Variants in TACC2 observed in about 807,000 individuals in gnomAD.
TACC2 encodes the protein transforming acidic coiled-coil containing protein 2, also known as transforming acidic coiled-coil-containing protein 2.
A neutral mutation model predicts 227.3 loss-of-function variants in TACC2; 137 were observed. The observed-to-expected ratio is 0.60, with a 90% CI of 0.52 to 0.69. TACC2 has a LOEUF of 0.69. Among genes scored for constraint, TACC2 ranks in the 30% least tolerant of loss-of-function variants. The pLI, the probability that TACC2 is intolerant of heterozygous loss-of-function variation, is 0.00. For synonymous variants in TACC2, 1,523 were observed against 1,487.5 expected, an observed-to-expected ratio of 1.02 and a Z score of -0.55; for missense variants, 3,470 against 3,694.4, an observed-to-expected ratio of 0.94 and a Z score of 1.57.
intron 5 of TACC2, among the ~76,000 whole-genome samples, chr10:122,103,223 A>G (rs1450613744): frequency 6.6e-6 from 1 of 152,142 alleles, no homozygotes; most frequent in Admixed American, 6.5e-5. Flanking sequence ...TGTCTAGAGT[A>G]TATAAGAAAT....
At chr10:122,002,160 G>C (rs1954450218) in intron 1 of TACC2, among the ~76,000 whole-genome samples, 2 of 152,120 alleles carry the variant, frequency 1.3e-5, no homozygotes, top group Admixed American at 6.5e-5. Context: ...ATATGATAAA[G>C]GGACCATTTC....
intron 7 of TACC2, among the ~76,000 whole-genome samples, chr10:122,185,654 T>C (rs750541285): frequency 6.6e-6 from 1 of 152,212 alleles, no homozygotes; most frequent in Non-Finnish European, 1.5e-5. Context: ...AGCTTTTTAT[T>C]GAGTAATGTG....
chr10:122,110,225 T>C (rs1276193238), intron 5 of TACC2, among the ~76,000 whole-genome samples: 2 of 152,162 alleles, frequency 1.3e-5, no homozygotes, highest in East Asian at 3.9e-4. Flanking sequence ...CTAAGGCACG[T>C]GTTGCTGCCT....
intron 6 of TACC2, among the ~76,000 whole-genome samples, chr10:122,142,228 T>A (rs1316984124): frequency 6.6e-6 from 1 of 152,234 alleles, no homozygotes; most frequent in Non-Finnish European, 1.5e-5. Flanking sequence ...GCAGGCAGCA[T>A]GGGTTCCAGC....
rs376832058 is a variant in TACC2, at chr10:122,226,379, C to T, written c.7622C>T (p.Ala2541Val). The T allele has an allele frequency of 6.2e-7, 1 of 1,613,592 alleles. No homozygotes were observed. Among genetic ancestry groups the T allele is most frequent in the Non-Finnish European group, 8.5e-7 (1 of 1,179,744 alleles). Residue 2541 changes from alanine to valine, a missense_variant, in exon 13 of 23, where the codon GCC becomes GTC. Transcript: ENST00000369005. ...TGATCCCTGCAGCAGGACGACGATG[C>T]CCCGAAGAAGCAGGCCTTGTACCTT... is the stretch of plus-strand genomic sequence containing the variant. ...IGSSLPQDDDAPKKQALYLMF... is the reference protein window; with the variant it reads ...IGSSLPQDDDVPKKQALYLMF...
chr10:122,148,590 G>A (rs1312265756), intron 7 of TACC2, among the ~76,000 whole-genome samples: 2 of 152,244 alleles, frequency 1.3e-5, no homozygotes, highest in Non-Finnish European at 2.9e-5. Context: ...GGGGAGCAGC[G>A]AGGCAGTGAG....
chr10:122,174,584 AAC>A (rs1452774551), intron 7 of TACC2, among the ~76,000 whole-genome samples: 1 of 152,228 alleles, frequency 6.6e-6, no homozygotes, highest in Non-Finnish European at 1.5e-5. Context: ...ACGTTCGTGA[AAC>A]ACTATGCTCC....
intron 7 of TACC2, among the ~76,000 whole-genome samples, chr10:122,193,223 G>T (rs529519453): frequency 1.3e-5 from 2 of 152,332 alleles, no homozygotes; most frequent in African/African-American, 4.8e-5. Flanking sequence ...AGGCTTTGTG[G>T]CTGGTTGGAG....
intron 5 of TACC2, among the ~76,000 whole-genome samples, chr10:122,132,333 G>C (rs2088452846): frequency 3.3e-5 from 5 of 152,148 alleles, no homozygotes; most frequent in Admixed American, 3.3e-4. Flanking sequence ...ATCACCTGAA[G>C]TCAGGAGTTT....
intron 3 of TACC2, among the ~76,000 whole-genome samples, chr10:122,065,477 T>C (rs1243892366): frequency 6.6e-6 from 1 of 152,254 alleles, no homozygotes; most frequent in Non-Finnish European, 1.5e-5. Flanking sequence ...TTTAATTTCA[T>C]TGTAGCCAGA....
intron 9 of TACC2, 73 bp from the exon 10 acceptor site, chr10:122,215,318 G>C: frequency 7.2e-7 from 1 of 1,386,104 alleles, no homozygotes; most frequent in South Asian, 1.2e-5. Flanking sequence ...CAGTAGCTTC[G>C]GTCCGCTCTG....
At chr10:122,213,267 C>T in intron 9 of TACC2, 2 of 1,490,304 alleles carry the variant, frequency 1.3e-6, no homozygotes, top group Middle Eastern at 1.7e-4. Context: ...CCATTAATAA[C>T]CAGTTGTCTG....
intron 1 of TACC2, among the ~76,000 whole-genome samples, chr10:122,010,501 C>A (rs1322636967): frequency 1.3e-5 from 2 of 152,158 alleles, no homozygotes; most frequent in Admixed American, 1.3e-4. Flanking sequence ...TTCCATTTTG[C>A]AATTCCAGAA....
At chr10:122,048,435 TCCTCCCTC>T (rs142187179) in intron 2 of TACC2, among the ~76,000 whole-genome samples, 10 of 133,512 alleles carry the variant, frequency 7.5e-5, no homozygotes, top group Non-Finnish European at 1.3e-4. Flanking sequence ...CCTCCTTGCT[TCCTCCCTC>T]CCTCCCTCCC....
chr10:122,163,508 C>T (rs894292552), intron 7 of TACC2: 5 of 951,346 alleles, frequency 5.3e-6, no homozygotes, highest in African/African-American at 3.5e-5. Context: ...TTCCGGAGCC[C>T]GCGATGGAGC....
At chr10:122,076,115 T>TA (rs369195300) in intron 3 of TACC2, among the ~76,000 whole-genome samples, 18 of 152,160 alleles carry the variant, frequency 1.2e-4, no homozygotes, top group African/African-American at 4.1e-4. Context: ...TTCTTACGGT[T>TA]ATGGAGGCTG....
chr10:122,211,646 C>T lies in TACC2; in HGVS notation c.7221C>T (p.Ala2407=), dbSNP rs2095294991. ...AGATCCCAGCCAGTGCTATGGAAGC[C>T]AATGGAGTGGACGGGGATGGGCTAA... ...SFEIPASAME[A]NGVDGDGLNK... Residue 2407 remains alanine (A), a synonymous_variant, in exon 9 of 23, where the codon GCC becomes GCT. Coordinates refer to ENST00000369005, the MANE Select transcript of TACC2 (RefSeq NM_206862.4). 6.2e-7 allele frequency: 1 copy of T among 1,607,866 alleles called. No individual in the cohort carries two copies. The highest frequency in any genetic ancestry group is 1.7e-5 in the Admixed American group (1 of 58,784).
Position 122,132,675 on chromosome 10 carries a change from T to C in TACC2, c.5640T>C (p.Ala1880=), listed in dbSNP as rs2088572337. ...CAGACCTGGAAAGCCCAACCTTAGC[T>C]GCCTCTTCCTACCACGGTGATGTTG... ...APADLESPTL[A]ASSYHGDVVG... The change falls in exon 6 of 23, where the codon GCT becomes GCC. Residue 1880 remains alanine (A), a synonymous_variant. Coordinates refer to ENST00000369005, the MANE Select transcript of TACC2 (RefSeq NM_206862.4). 4.3e-6 allele frequency: 7 copies of C among 1,614,198 alleles called. No homozygotes were observed. Among genetic ancestry groups the C allele is most frequent in the Non-Finnish European group, 5.9e-6 (7 of 1,180,030 alleles).
intron 4 of TACC2, among the ~76,000 whole-genome samples, 184 bp downstream of exon 4, chr10:122,088,143 C>A (rs2080293934): frequency 6.6e-6 from 1 of 152,174 alleles, no homozygotes; most frequent in Non-Finnish European, 1.5e-5. Context: ...AATGTGAGAA[C>A]CATGGTTGGA....
Sources: allele counts gnomAD v4.1 joint callset (sites outside exome capture counted in the v4.1 genomes callset), GRCh38; gene constraint gnomAD v4.1.1; transcripts MANE v1.5; gene names NCBI Gene and HGNC (gene_info 2026-07-23, HGNC 2026-07-21).